PELI2: variants seen among roughly 807,000 people sequenced by gnomAD.
PELI2 encodes the protein E3 ubiquitin-protein ligase pellino homolog 2.
In PELI2, 23 loss-of-function variants were observed where a neutral mutation model predicts 42.3. The ratio of observed to expected loss-of-function variants is 0.54; its 90% CI spans 0.39 to 0.77. PELI2 has a LOEUF of 0.77. Among genes scored for constraint, PELI2 ranks in the 30% least tolerant of loss-of-function variants. The pLI, the probability that PELI2 is intolerant of heterozygous loss-of-function variation, is 0.00. For synonymous variants in PELI2, 245 were observed against 212.2 expected, an observed-to-expected ratio of 1.15 and a Z score of -1.34; for missense variants, 463 against 553.2, an observed-to-expected ratio of 0.84 and a Z score of 1.64.
At chr14:56,169,449 G>A (rs1041858707) in intron 1 of PELI2, among the ~76,000 whole-genome samples, 2 of 152,188 alleles carry the variant, frequency 1.3e-5, no homozygotes, top group Non-Finnish European at 2.9e-5. Context: ...TTGGTCTGGT[G>A]TTCCTTTTGC....
intron 1 of PELI2, among the ~76,000 whole-genome samples, chr14:56,138,755 C>CA (rs1883779684): frequency 1.3e-5 from 2 of 152,182 alleles, no homozygotes; most frequent in African/African-American, 4.8e-5. Context: ...ATAGTAAGCA[C>CA]ATTGTTTTCG....
intron 1 of PELI2, among the ~76,000 whole-genome samples, chr14:56,119,529 C>T (rs898528565): frequency 6.6e-6 from 1 of 152,230 alleles, no homozygotes; most frequent in Non-Finnish European, 1.5e-5. Context: ...TCCCTCTCTG[C>T]TGGTGAAAGC....
rs1053679188 is a variant in PELI2 at position 56,299,584 on chromosome 14, T to C, written c.*2418T>C. 2 of 152,128 alleles carry C rather than the reference T, an allele frequency of 1.3e-5. No individual in the cohort carries two copies. The highest frequency in any genetic ancestry group is 2.9e-5 in the Non-Finnish European group (2 of 68,032). 9.4% of individuals were successfully genotyped at this position (152,128 alleles called of 1,614,324 possible). ...CTCTTCTTGGCCACTTGTAGGAAGA[T>C]CCCTTTACAATTTTGACTAAGGAGA... On this transcript the variant is annotated 3_prime_UTR_variant, in exon 6 of 6. Transcript: ENST00000267460.
intron 2 of PELI2, among the ~76,000 whole-genome samples, chr14:56,213,437 G>T (rs933893541): frequency 6.6e-6 from 1 of 152,188 alleles, no homozygotes; most frequent in African/African-American, 2.4e-5. Context: ...GTTAGCAGGC[G>T]AGAGGAGTGA....
chr14:56,259,026 AAG>A (rs1280932788), intron 2 of PELI2, among the ~76,000 whole-genome samples: 2 of 152,164 alleles, frequency 1.3e-5, no homozygotes, highest in African/African-American at 4.8e-5. Context: ...GAAACACTGC[AAG>A]TCAGAAGACC....
intron 2 of PELI2, among the ~76,000 whole-genome samples, chr14:56,278,711 C>T (rs1355888197): frequency 2.6e-5 from 4 of 152,116 alleles, no homozygotes; most frequent in African/African-American, 4.8e-5. Flanking sequence ...ATGTTTAGTA[C>T]ATTTTCATTA....
At chr14:56,157,512 A>C (rs1202189941) in intron 1 of PELI2, among the ~76,000 whole-genome samples, 1 of 152,048 alleles carries the variant, frequency 6.6e-6, no homozygotes, top group Admixed American at 6.5e-5. Flanking sequence ...AAAAGTGTTT[A>C]TATTTCACAT....
chr14:56,161,456 G>C (rs553448135), intron 1 of PELI2, among the ~76,000 whole-genome samples: 47 of 152,228 alleles, frequency 3.1e-4, no homozygotes, highest in Non-Finnish European at 6.0e-4. Context: ...TGTATTTTTA[G>C]TAGAGATGGA....
chr14:56,237,224 G>A (rs1185483095), intron 2 of PELI2, among the ~76,000 whole-genome samples: 1 of 152,074 alleles, frequency 6.6e-6, no homozygotes, highest in Non-Finnish European at 1.5e-5. Context: ...ATGTAGAATT[G>A]GTCAGAGTGC....
At chr14:56,201,195 A>G (rs946330390) in intron 2 of PELI2, among the ~76,000 whole-genome samples, 33 of 152,216 alleles carry the variant, frequency 2.2e-4, no homozygotes, top group African/African-American at 5.8e-4. Flanking sequence ...TACCGTTTCC[A>G]TGCAGTTCTT....
At chr14:56,257,093 G>T (rs925941373) in intron 2 of PELI2, among the ~76,000 whole-genome samples, 1 of 152,136 alleles carries the variant, frequency 6.6e-6, no homozygotes, top group Non-Finnish European at 1.5e-5. Context: ...TGGGCATCAA[G>T]GGCAAGTAGG....
intron 1 of PELI2, among the ~76,000 whole-genome samples, chr14:56,147,807 G>A (rs1884187419): frequency 6.6e-6 from 1 of 152,136 alleles, no homozygotes; most frequent in Non-Finnish European, 1.5e-5. Flanking sequence ...TGTGGTTTGG[G>A]TGTGTGTTAA....
At chr14:56,244,011 A>G (rs1294148795) in intron 2 of PELI2, among the ~76,000 whole-genome samples, 2 of 152,146 alleles carry the variant, frequency 1.3e-5, no homozygotes, top group African/African-American at 4.8e-5. Context: ...AAAACCCCCA[A>G]TGCTTTTGAG....
intron 1 of PELI2, among the ~76,000 whole-genome samples, chr14:56,153,818 G>A (rs1158987005): frequency 6.6e-6 from 1 of 152,154 alleles, no homozygotes; most frequent in Admixed American, 6.5e-5. Flanking sequence ...TAGAGATAAT[G>A]TGTGGATTAG....
chr14:56,243,736 A>G (rs1888058544), intron 2 of PELI2, among the ~76,000 whole-genome samples: 1 of 152,220 alleles, frequency 6.6e-6, no homozygotes. Flanking sequence ...AAGGAGTGAC[A>G]AAAATAAGAA....
chr14:56,189,308 T>G (rs1180754366), intron 2 of PELI2, among the ~76,000 whole-genome samples: 1 of 152,222 alleles, frequency 6.6e-6, no homozygotes, highest in Non-Finnish European at 1.5e-5. Flanking sequence ...GGGGGCTGTG[T>G]TCCTTGTGGA....
At chr14:56,200,378 A>G (rs12586292) in intron 2 of PELI2, among the ~76,000 whole-genome samples, 36,935 of 117,998 alleles carry the variant, frequency 0.31, 5,649 homozygotes, top group South Asian at 0.44. Context: ...CAGATGAGGC[A>G]TGTGAGGCAC....
intron 2 of PELI2, among the ~76,000 whole-genome samples, chr14:56,194,624 T>A (rs952716342): frequency 2.6e-5 from 4 of 152,170 alleles, no homozygotes; most frequent in Non-Finnish European, 5.9e-5. Flanking sequence ...TGTGGAACCC[T>A]CTCTCCATCA....
chr14:56,222,289 G>A (rs992104422), intron 2 of PELI2, among the ~76,000 whole-genome samples: 10 of 152,156 alleles, frequency 6.6e-5, no homozygotes, highest in African/African-American at 1.2e-4. Context: ...CCAAATTCCA[G>A]AAGTTGTTTT....
Sources: gnomAD v4.1 joint callset for allele counts (sites outside exome capture counted in the v4.1 genomes callset) on GRCh38, gnomAD v4.1.1 for gene constraint, MANE v1.5 for transcripts, NCBI Gene and HGNC (gene_info 2026-07-23, HGNC 2026-07-21) for gene names.